PTPN4: variants seen among roughly 807,000 people sequenced by gnomAD.
PTPN4 encodes tyrosine-protein phosphatase non-receptor type 4.
In PTPN4, 49 loss-of-function variants were observed where a neutral mutation model predicts 135.5. The observed-to-expected ratio is 0.36, with a 90% CI of 0.29 to 0.46. The LOEUF is 0.46. Among genes scored for constraint, PTPN4 ranks in the 20% least tolerant of loss-of-function variants. The pLI, the probability that PTPN4 is intolerant of heterozygous loss-of-function variation, is 1.00. For missense variants in PTPN4, 860 were observed against 1,101.0 expected (o/e 0.78, Z 3.10); for synonymous variants, 333 against 369.9 (o/e 0.90, Z 1.14).
At chr2:119,858,868 T>G (rs1472328397) in intron 2 of PTPN4, among the ~76,000 whole-genome samples, 1 of 152,062 alleles carries the variant, frequency 6.6e-6, no homozygotes, top group Admixed American at 6.5e-5. Flanking sequence ...TCTCCTGACC[T>G]CGTAATCTGC....
At chr2:119,764,992 G>A (rs1690583454) in intron 1 of PTPN4, among the ~76,000 whole-genome samples, 1 of 152,144 alleles carries the variant, frequency 6.6e-6, no homozygotes, top group South Asian at 2.1e-4. Context: ...CAAATCTGGT[G>A]TGGAATCTAG....
In PTPN4 at chr2:119,957,087, T is replaced by C; in HGVS notation, c.2133+10T>C. 1.3e-6 allele frequency: 2 copies of C among 1,598,726 alleles called. No homozygotes were observed. Among genetic ancestry groups the C allele is most frequent in the South Asian group, 2.3e-5 (2 of 88,048 alleles). On this transcript the variant is annotated intron_variant, in intron 22 of 26. Transcript: ENST00000263708. ...TGCGAACTATATAAATGTAAGTTTA[T>C]TCTTATTATGCCTTTGCCATTTGGA...
Position 119,946,381 on chromosome 2 carries a change from G to A in PTPN4, c.1556G>A (p.Arg519Lys), listed in dbSNP as rs768406498. ...CCACATGATAATCTTGTCCTAATCA[G>A]AATGAAACCTGATGAAAATGGGAGG... ...GIPHDNLVLI[R>K]MKPDENGRFG... The change falls in exon 17 of 27, where the codon AGA (arginine) becomes AAA (lysine). Residue 519 changes from arginine (R) to lysine (K), a missense_variant. By Grantham distance (26) the Arg-to-Lys change is conservative. Coordinates refer to ENST00000263708, the MANE Select transcript of PTPN4 (RefSeq NM_002830.4). 1.1e-5 allele frequency: 17 copies of A among 1,611,708 alleles called. No homozygotes were observed. The South Asian group carries it at 1.8e-4, about 17-fold the overall frequency.
At chr2:119,967,800 G>A in intron 25 of PTPN4, 37 bp from the exon 26 acceptor site, 1 of 1,522,832 alleles carries the variant, frequency 6.6e-7, no homozygotes, top group Non-Finnish European at 8.9e-7. Flanking sequence ...TAACAGAATA[G>A]TATCGGTAAG....
At chr2:119,904,378 T>C (rs1216736912) in intron 10 of PTPN4, among the ~76,000 whole-genome samples, 1 of 151,886 alleles carries the variant, frequency 6.6e-6, no homozygotes, top group Non-Finnish European at 1.5e-5. Context: ...TTTAAAAGGC[T>C]AAAAAAGCCT....
intron 22 of PTPN4, among the ~76,000 whole-genome samples, chr2:119,958,602 G>A (rs1185406859): frequency 6.6e-6 from 1 of 152,086 alleles, no homozygotes; most frequent in African/African-American, 2.4e-5. Flanking sequence ...ACCATTCGAT[G>A]TTGTCATGCT....
intron 2 of PTPN4, among the ~76,000 whole-genome samples, chr2:119,815,109 A>G (rs554822565): frequency 1.3e-5 from 2 of 152,268 alleles, no homozygotes; most frequent in African/African-American, 4.8e-5. Context: ...TGCCATGCAT[A>G]AGTCTGTTAC....
At chr2:119,852,731 G>C (rs1049488884) in intron 2 of PTPN4, among the ~76,000 whole-genome samples, 4 of 151,728 alleles carry the variant, frequency 2.6e-5, no homozygotes, top group African/African-American at 9.7e-5. Flanking sequence ...GACTTGATTT[G>C]AGACCTTCCC....
intron 10 of PTPN4, among the ~76,000 whole-genome samples, chr2:119,903,160 G>T (rs1407771524): frequency 6.6e-6 from 1 of 152,120 alleles, no homozygotes; most frequent in Non-Finnish European, 1.5e-5. Flanking sequence ...CTGTCATAAA[G>T]GGAGATGAAG....
Position 119,846,570 on chromosome 2 carries a change from TCTG to T in PTPN4, c.139-15965_139-15963del, listed in dbSNP as rs563919184. Among the ~76,000 whole-genome samples, 548 of 152,156 alleles carry T rather than the reference TCTG, an allele frequency of 3.6e-3. 3 individuals carry two copies. The highest frequency in any genetic ancestry group is 0.013 in the African/African-American group (526 of 41,510). On this transcript the variant is annotated intron_variant, in intron 2 of 26. Coordinates refer to ENST00000263708, the MANE Select transcript of PTPN4 (RefSeq NM_002830.4). ...GCGTCTTATTTTTTTTTTTTACCAG[TCTG>T]ACATCCCTGCCTTTTGATTGATTTT... is the stretch of plus-strand genomic sequence containing the variant.
intron 1 of PTPN4, among the ~76,000 whole-genome samples, chr2:119,771,011 C>G (rs564613779): frequency 1.0e-3 from 152 of 152,178 alleles, no homozygotes; most frequent in African/African-American, 3.2e-3. Flanking sequence ...TCCCGAGTGG[C>G]TGGGACTACA....
At chr2:119,820,711 G>C (rs1018284624) in intron 2 of PTPN4, among the ~76,000 whole-genome samples, 12 of 152,004 alleles carry the variant, frequency 7.9e-5, no homozygotes, top group Non-Finnish European at 1.5e-4. Context: ...CAGGAATTTG[G>C]TTTCATATTA....
At chr2:119,862,002 AT>A (rs1677766753) in intron 2 of PTPN4, among the ~76,000 whole-genome samples, 1 of 152,176 alleles carries the variant, frequency 6.6e-6, no homozygotes, top group South Asian at 2.1e-4. Flanking sequence ...ATACAAAATT[AT>A]ATTTTAAGTA....
intron 2 of PTPN4, among the ~76,000 whole-genome samples, chr2:119,844,541 C>A (rs1014895583): frequency 2.1e-5 from 3 of 144,924 alleles, no homozygotes; most frequent in South Asian, 2.3e-4. Context: ...TCAGACGGGG[C>A]GGCCGGGCAG....
At chr2:119,863,050 T>G (rs1039953213) in intron 3 of PTPN4, among the ~76,000 whole-genome samples, 2 of 152,114 alleles carry the variant, frequency 1.3e-5, no homozygotes, top group Non-Finnish European at 2.9e-5. Context: ...TCTTAATTTA[T>G]TCAATGTCAA....
chr2:119,904,831 C>A (rs1231772469), intron 10 of PTPN4, among the ~76,000 whole-genome samples: 1 of 152,114 alleles, frequency 6.6e-6, no homozygotes, highest in African/African-American at 2.4e-5. Context: ...GAAATAAAGT[C>A]TTTCTGAGAT....
chr2:119,785,288 G>A (rs958889347), intron 1 of PTPN4, among the ~76,000 whole-genome samples: 1 of 152,128 alleles, frequency 6.6e-6, no homozygotes, highest in African/African-American at 2.4e-5. Flanking sequence ...TATCACTTGC[G>A]GGACTTACTG....
At chr2:119,971,222 C>A (rs1018284089) in intron 26 of PTPN4, among the ~76,000 whole-genome samples, 1 of 152,028 alleles carries the variant, frequency 6.6e-6, no homozygotes, top group Non-Finnish European at 1.5e-5. Flanking sequence ...TTCACATGGC[C>A]GGCGGGAGAG....
chr2:119,954,452 T>C (rs1013535925), intron 19 of PTPN4, among the ~76,000 whole-genome samples: 9 of 152,180 alleles, frequency 5.9e-5, no homozygotes, highest in Non-Finnish European at 2.9e-5. Flanking sequence ...ACATCCGTTC[T>C]CTCAAGGTGG....
Sources: gnomAD v4.1 joint callset for allele counts (sites outside exome capture counted in the v4.1 genomes callset) on GRCh38, gnomAD v4.1.1 for gene constraint, MANE v1.5 for transcripts, NCBI Gene and HGNC (gene_info 2026-07-23, HGNC 2026-07-21) for gene names.